The following FBXW10B variants were observed in gnomAD, a reference collection of about 807,000 sequenced individuals.
FBXW10B encodes F-box and WD repeat domain containing 10B, also known as F-box and WD repeat domain containing protein 10B.
chr17:15,568,238 G>A, the FBXW10B span, among the ~76,000 whole-genome samples: 1 of 152,238 alleles, frequency 6.6e-6, no homozygotes, highest in African/African-American at 2.4e-5. Context: ...CTCAACAAAT[G>A]TGGTTTTTTA....
chr17:15,604,508 A>G, the FBXW10B span, among the ~76,000 whole-genome samples: 1 of 152,134 alleles, frequency 6.6e-6, no homozygotes, highest in African/African-American at 2.4e-5. Context: ...AGTGTTTGTT[A>G]TATTGTTTAA....
the FBXW10B span, among the ~76,000 whole-genome samples, chr17:15,580,738 G>A: frequency 6.7e-6 from 1 of 149,348 alleles, no homozygotes; most frequent in Non-Finnish European, 1.5e-5. Flanking sequence ...GTTTGTTTAA[G>A]GTCTGTCTTC....
chr17:15,572,435 T>G, the FBXW10B span: 1 of 152,260 alleles, frequency 6.6e-6, no homozygotes, highest in Non-Finnish European at 1.5e-5. Flanking sequence ...TTGTTACTAC[T>G]TTTTTCAGAA....
chr17:15,602,770 G>A, the FBXW10B span, among the ~76,000 whole-genome samples: 1 of 121,254 alleles, frequency 8.2e-6, no homozygotes, highest in Non-Finnish European at 1.6e-5. Context: ...TGGGACTACA[G>A]GCGCCCGCCA....
the FBXW10B span, among the ~76,000 whole-genome samples, chr17:15,600,743 T>A: frequency 1.3e-5 from 2 of 152,000 alleles, no homozygotes; most frequent in Non-Finnish European, 2.9e-5. Context: ...GGTATAGGCA[T>A]TAGAAAAGAA....
chr17:15,598,641 C>T, the FBXW10B span: 1 of 1,612,308 alleles, frequency 6.2e-7, no homozygotes, highest in South Asian at 1.1e-5. Context: ...CCCCACTTTT[C>T]AGATCCCAGT....
the FBXW10B span, among the ~76,000 whole-genome samples, chr17:15,602,182 T>G: frequency 9.9e-3 from 1,492 of 150,448 alleles, 25 homozygotes; most frequent in African/African-American, 0.035. Flanking sequence ...ATTCTCCAAA[T>G]GCATACCTAA....
the FBXW10B span, among the ~76,000 whole-genome samples, chr17:15,616,631 C>A: frequency 1.3e-5 from 2 of 151,766 alleles, no homozygotes; most frequent in East Asian, 3.9e-4. Context: ...GGTGAAACCC[C>A]GTCTCTATTA....
the FBXW10B span, among the ~76,000 whole-genome samples, chr17:15,566,979 T>C: frequency 4.0e-5 from 6 of 151,502 alleles, no homozygotes; most frequent in African/African-American, 1.5e-4. Flanking sequence ...TTTTTGAAAA[T>C]GTGAAGTTGA....
the FBXW10B span, chr17:15,565,783 G>T: frequency 2.5e-6 from 4 of 1,613,978 alleles, no homozygotes; most frequent in Non-Finnish European, 3.4e-6. Flanking sequence ...ATAGATGCGA[G>T]GCCGTTCTTT....
At chr17:15,567,975 G>T in the FBXW10B span, among the ~76,000 whole-genome samples, 47 of 152,254 alleles carry the variant, frequency 3.1e-4, no homozygotes, top group African/African-American at 1.1e-3. Flanking sequence ...AGTGAAAACT[G>T]TGTTTCCATT....
the FBXW10B span, among the ~76,000 whole-genome samples, chr17:15,589,627 ACAACTAAATTTGT>A: frequency 0.022 from 3,279 of 152,108 alleles, 83 homozygotes; most frequent in East Asian, 0.11. Flanking sequence ...GTGGTATGTC[ACAACTAAATTTGT>A]GGGGTGAAAA....
At chr17:15,604,756 C>T in the FBXW10B span, among the ~76,000 whole-genome samples, 21 of 152,228 alleles carry the variant, frequency 1.4e-4, no homozygotes, top group East Asian at 3.5e-3. Context: ...CCAGGATGGT[C>T]TTGATCTCCT....
At chr17:15,618,723 C>A in the FBXW10B span, among the ~76,000 whole-genome samples, 2 of 152,156 alleles carry the variant, frequency 1.3e-5, no homozygotes, top group Non-Finnish European at 2.9e-5. Flanking sequence ...CCAGCCATTT[C>A]TGGGCCTATG....
the FBXW10B span, among the ~76,000 whole-genome samples, chr17:15,614,445 C>T: frequency 6.6e-6 from 1 of 152,034 alleles, no homozygotes; most frequent in East Asian, 1.9e-4. Flanking sequence ...CCGCCCGCCT[C>T]AGCCTGCCAA....
the FBXW10B span, among the ~76,000 whole-genome samples, chr17:15,616,070 G>T: frequency 6.6e-6 from 1 of 152,038 alleles, no homozygotes; most frequent in Non-Finnish European, 1.5e-5. Flanking sequence ...TCGAGGTCAG[G>T]AACTGCAACA....
At chr17:15,603,757 G>T in the FBXW10B span, among the ~76,000 whole-genome samples, 1 of 143,290 alleles carries the variant, frequency 7.0e-6, no homozygotes, top group Non-Finnish European at 1.5e-5. Context: ...GTCTCTGGCA[G>T]CATTCTTTGA....
chr17:15,567,876 G>A, the FBXW10B span, among the ~76,000 whole-genome samples: 3 of 152,132 alleles, frequency 2.0e-5, no homozygotes, highest in African/African-American at 7.2e-5. Context: ...TATAATACTT[G>A]TCAGCTAATA....
chr17:15,586,068 A>G, the FBXW10B span, among the ~76,000 whole-genome samples: 19 of 151,794 alleles, frequency 1.3e-4, no homozygotes, highest in Admixed American at 1.0e-3. Context: ...CACTGAGTGG[A>G]AAGTTAGCTC....
Sources: allele counts gnomAD v4.1 joint callset (sites outside exome capture counted in the v4.1 genomes callset), GRCh38; gene constraint gnomAD v4.1.1; transcripts MANE v1.5; gene names NCBI Gene and HGNC (gene_info 2026-07-23, HGNC 2026-07-21).